TSC1: variants seen among roughly 807,000 people sequenced by gnomAD.
TSC1 encodes the protein TSC complex subunit 1.
Under a neutral mutation model 124.3 loss-of-function variants are expected in TSC1, and 20 were observed. The ratio of observed to expected loss-of-function variants is 0.16; its 90% CI spans 0.11 to 0.23. The LOEUF is 0.23. Among genes scored for constraint, TSC1 ranks in the 10% least tolerant of loss-of-function variants. TSC1 has a pLI of 1.00. For synonymous variants in TSC1, 493 were observed against 539.1 expected (o/e 0.91, Z 1.19); for missense variants, 1,124 against 1,448.5 (o/e 0.78, Z 3.64).
chr9:132,932,023 A>G (rs1385211245), intron 2 of TSC1, among the ~76,000 whole-genome samples: 1 of 152,234 alleles, frequency 6.6e-6, no homozygotes, highest in East Asian at 1.9e-4. Flanking sequence ...CTCTAGCCAT[A>G]AGTCTCTTTT....
At position 132,893,908 on chromosome 9, in the gene TSC1, A is replaced by C. The variant is rs964256659; in HGVS notation, c.*2327T>G. 6 of 233,198 alleles carry C rather than the reference A, an allele frequency of 2.6e-5. No individual in the cohort carries two copies. Among genetic ancestry groups the C allele is most frequent in the Middle Eastern group, 2.5e-3 (2 of 808 alleles). 14.4% of individuals were successfully genotyped at this position (233,198 alleles called of 1,614,324 possible). On this transcript the variant is annotated 3_prime_UTR_variant, in exon 23 of 23. Coordinates refer to ENST00000298552, the MANE Select transcript of TSC1 (RefSeq NM_000368.5). ...GACTCTTGGCAGGTTTATCATGTCC[A>C]AAACCAAACCAAACCTAACTACTGA...
intron 3 of TSC1, among the ~76,000 whole-genome samples, chr9:132,928,102 G>A (rs770704614): frequency 3.3e-5 from 5 of 152,048 alleles, no homozygotes; most frequent in Non-Finnish European, 2.9e-5. Flanking sequence ...ACCTTCCCAC[G>A]TCAGCATCTA....
At chr9:132,935,444 TTTATC>T (rs1847409511) in intron 1 of TSC1, among the ~76,000 whole-genome samples, 1 of 152,256 alleles carries the variant, frequency 6.6e-6, no homozygotes, top group Non-Finnish European at 1.5e-5. Context: ...CATTTAGCTA[TTTATC>T]TTAAGTCTCC....
At chr9:132,911,181 A>C in intron 10 of TSC1, 68 bp from the exon 11 acceptor site, 4 of 1,280,256 alleles carry the variant, frequency 3.1e-6, no homozygotes, top group South Asian at 1.2e-5. Context: ...GTTTATATCC[A>C]TGGCCAGTGT....
At chr9:132,904,306 A>G in intron 16 of TSC1, 105 bp downstream of exon 16, 2 of 1,264,604 alleles carry the variant, frequency 1.6e-6, no homozygotes, top group Middle Eastern at 1.9e-4. Context: ...AGCAATAGCC[A>G]AGGGGAGATC....
Position 132,921,712 on chromosome 9 carries a change from G to T in TSC1, c.663+107C>A. 6.8e-7 allele frequency: 1 copy of T among 1,468,648 alleles called. No homozygotes were observed. 91.0% of individuals were successfully genotyped at this position (1,468,648 alleles called of 1,614,324 possible). ...GATTGGAGTGGCGAGGAAGAAAACT[G>T]AATTTCTTTTCAAAATTTCCCTGTC... On this transcript the variant is annotated intron_variant, in intron 7 of 22. Transcript: ENST00000298552. The surrounding 1 kb of genome is among the most constrained non-coding windows in gnomAD (Gnocchi z 4.3).
chr9:132,923,398 T>C lies in TSC1; in HGVS notation c.458A>G (p.Asp153Gly), dbSNP rs1846674570. 1.2e-6 allele frequency: 2 copies of C among 1,613,942 alleles called. No individual in the cohort carries two copies. Among genetic ancestry groups the C allele is most frequent in the Non-Finnish European group, 1.7e-6 (2 of 1,180,004 alleles). The change falls in exon 6 of 23, where the codon GAT becomes GGT. Residue 153 changes from aspartate (D) to glycine (G), a missense_variant. Physicochemically the swap from Asp to Gly is moderately conservative, Grantham distance 94. Coordinates refer to ENST00000298552, the MANE Select transcript of TSC1 (RefSeq NM_000368.5). This position sits in a 1 kb window ranked among gnomAD's most constrained non-coding sequence, Gnocchi z 4.2. ...CAGACGGCCAAAAATGTCAAAGAAA[T>C]CAAGAAGATGCTGTTTCCCAGACTG... is the stretch of plus-strand genomic sequence containing the variant. ...IPQSGKQHLL[D>G]FFDIFGRLSS...
Position 132,902,517 on chromosome 9 carries a change from C to T in TSC1, c.2391+88G>A. ...TTCAGCTTAGTAAAGCTGAACAAGT[C>T]AAGGACACCCAGGGAAACTGACTGC... On this transcript the variant is annotated intron_variant, in intron 18 of 22. Coordinates refer to ENST00000298552, the MANE Select transcript of TSC1 (RefSeq NM_000368.5). The surrounding 1 kb of genome is among the most constrained non-coding windows in gnomAD (Gnocchi z 5.2). 1.3e-6 allele frequency: 2 copies of T among 1,509,696 alleles called. No homozygotes were observed. The highest frequency in any genetic ancestry group is 2.3e-5 in the South Asian group (2 of 88,580). The allele number at this position is 1,509,696 out of a possible 1,614,324, so 93.5% of individuals were successfully genotyped here.
chr9:132,910,206 C>T, intron 12 of TSC1: 1 of 484,442 alleles, frequency 2.1e-6, no homozygotes, highest in East Asian at 3.4e-5. Flanking sequence ...GAGGCTGATG[C>T]AGGAGGATTG....
At chr9:132,927,120 A>G (rs1365519312) in intron 4 of TSC1, 81 bp downstream of exon 4, 1 of 1,331,722 alleles carries the variant, frequency 7.5e-7, no homozygotes, top group Non-Finnish European at 1.1e-6. Context: ...TAAGCTCAGG[A>G]CAAGTTGCAC....
intron 9 of TSC1, among the ~76,000 whole-genome samples, chr9:132,911,769 C>T (rs7044948): frequency 1.3e-5 from 2 of 151,906 alleles, no homozygotes; most frequent in South Asian, 2.1e-4. Flanking sequence ...TCTAAATGCT[C>T]CTTTGAAATA....
In TSC1 at chr9:132,927,196, A is replaced by G. The variant is rs753035149; in HGVS notation, c.210+5T>C. On this transcript the variant is annotated splice_donor_5th_base_variant and intron_variant, in intron 4 of 22. Coordinates refer to ENST00000298552, the MANE Select transcript of TSC1 (RefSeq NM_000368.5). ...ATGAAATGCCTATGATATTTCAGCC[A>G]TTACCTTGTCATGTGGCTCTTGCAA... is the stretch of plus-strand genomic sequence containing the variant. 16 of 1,613,732 alleles carry G rather than the reference A, an allele frequency of 9.9e-6. No homozygotes were observed. In the South Asian group the frequency reaches 1.8e-4, roughly 18 times the overall value.
At chr9:132,897,064 T>G in intron 22 of TSC1, 120 bp downstream of exon 22, 4 of 1,498,934 alleles carry the variant, frequency 2.7e-6, no homozygotes, top group Non-Finnish European at 2.8e-6. Flanking sequence ...TGACACGGAG[T>G]GAGCTGAGTG....
intron 8 of TSC1, 36 bp from the exon 9 acceptor site, chr9:132,912,493 G>T: frequency 6.2e-7 from 1 of 1,611,904 alleles, no homozygotes; most frequent in Non-Finnish European, 8.5e-7. Flanking sequence ...AATGCAAACT[G>T]TAATCAACTG....
At chr9:132,937,414 G>A (rs941486814) in intron 1 of TSC1, among the ~76,000 whole-genome samples, 27 of 152,220 alleles carry the variant, frequency 1.8e-4, no homozygotes, top group African/African-American at 6.3e-4. Flanking sequence ...CTGCACTCCA[G>A]CCTGGGCAAC....
In TSC1 at chr9:132,928,879, G is replaced by A. The variant is rs62621221; in HGVS notation, c.-7C>T. ...CATTTGCTTGTTGGGCCATTCTCTC[G>A]CTCGAAGGCGCTGTGCTGGCTCCAG... is the stretch of plus-strand genomic sequence containing the variant. On this transcript the variant is annotated 5_prime_UTR_variant, in exon 3 of 23. Coordinates refer to ENST00000298552, the MANE Select transcript of TSC1 (RefSeq NM_000368.5). 1,871 of 1,613,994 alleles carry A rather than the reference G, an allele frequency of 1.2e-3. 5 individuals carry two copies. Among genetic ancestry groups the A allele is most frequent in the Middle Eastern group, 5.5e-3 (33 of 5,970 alleles).
At chr9:132,924,654 T>C (rs928285287) in intron 5 of TSC1, among the ~76,000 whole-genome samples, 1 of 152,212 alleles carries the variant, frequency 6.6e-6, no homozygotes, top group Non-Finnish European at 1.5e-5. Flanking sequence ...TATATTCTCA[T>C]CAATCCATTT....
rs118203427 is a variant in TSC1, at chr9:132,921,418, G to A, written c.682C>T (p.Arg228Ter). ...CCAGTCACTAATTCCGGATGAATTC[G>A]CACATGCTCCATCATTGGCTAGAAG... ...EVVKPMMEHV[R>*]IHPELVTGSK... Residue 228 changes from arginine to a stop codon, truncating the protein, a stop_gained, in exon 8 of 23, where the codon CGA (arginine) becomes TGA (stop). Coordinates refer to ENST00000298552, the MANE Select transcript of TSC1 (RefSeq NM_000368.5). LOFTEE classifies it high-confidence loss of function. This position sits in a 1 kb window ranked among gnomAD's most constrained non-coding sequence, Gnocchi z 4.3. 6.2e-7 allele frequency: 1 copy of A among 1,614,090 alleles called. No homozygotes were observed. Among genetic ancestry groups the A allele is most frequent in the Non-Finnish European group, 8.5e-7 (1 of 1,179,986 alleles).
intron 2 of TSC1, chr9:132,931,298 C>G (rs1273183072): frequency 6.6e-6 from 1 of 152,138 alleles, no homozygotes; most frequent in African/African-American, 2.4e-5. Context: ...GCAGGCAGCC[C>G]CAGAGCCCGG....
Sources: allele counts gnomAD v4.1 joint callset (sites outside exome capture counted in the v4.1 genomes callset), GRCh38; gene constraint gnomAD v4.1.1; non-coding constraint Gnocchi (gnomAD v3.1); transcripts MANE v1.5; gene names NCBI Gene and HGNC (gene_info 2026-07-23, HGNC 2026-07-21).